Variants in PRKAR2A observed in about 807,000 individuals in gnomAD.
The protein encoded by PRKAR2A is protein kinase cAMP-dependent type II regulatory subunit alpha, also known as cAMP-dependent protein kinase type II-alpha regulatory subunit.
PRKAR2A carries 29 observed loss-of-function variants against 51.9 expected under a neutral mutation model. The observed-to-expected ratio is 0.56, with a 90% confidence interval of 0.42 to 0.76. The LOEUF (loss-of-function observed/expected upper bound fraction) is 0.76. PRKAR2A is among the 30% of genes least tolerant of loss of function. The pLI, the probability that PRKAR2A is intolerant of heterozygous loss-of-function variation, is 0.00. For synonymous variants in PRKAR2A, 178 were observed against 186.2 expected (o/e 0.96, Z 0.36); for missense variants, 445 against 512.1 (o/e 0.87, Z 1.26).
intron 3 of PRKAR2A, among the ~76,000 whole-genome samples, chr3:48,791,760 G>A (rs1214954842): frequency 6.6e-6 from 1 of 150,796 alleles, no homozygotes; most frequent in African/African-American, 2.4e-5. Context: ...AAAATTACCC[G>A]GGCATGGTGG....
At chr3:48,808,260 T>C (rs1284290613) in intron 1 of PRKAR2A, among the ~76,000 whole-genome samples, 1 of 151,042 alleles carries the variant, frequency 6.6e-6, no homozygotes, top group Non-Finnish European at 1.5e-5. Context: ...TTGTTTTGTT[T>C]TGTTTTGTTT....
chr3:48,780,259 G>A (rs1465025215), intron 5 of PRKAR2A, among the ~76,000 whole-genome samples: 1 of 152,014 alleles, frequency 6.6e-6, no homozygotes, highest in Non-Finnish European at 1.5e-5. Context: ...TTTTCTCTGA[G>A]AAGATATTAT....
chr3:48,833,226 T>TG (rs973766015), intron 1 of PRKAR2A, among the ~76,000 whole-genome samples: 34 of 152,198 alleles, frequency 2.2e-4, no homozygotes, highest in South Asian at 6.2e-4. Flanking sequence ...TTTGAAAAGA[T>TG]GGGGGGTCTC....
At chr3:48,845,454 A>G (rs2083446766) in intron 1 of PRKAR2A, among the ~76,000 whole-genome samples, 1 of 152,174 alleles carries the variant, frequency 6.6e-6, no homozygotes, top group Non-Finnish European at 1.5e-5. Context: ...GACCAGATAC[A>G]ACTCAGAACT....
intron 1 of PRKAR2A, among the ~76,000 whole-genome samples, chr3:48,819,186 T>C (rs2082921539): frequency 6.6e-6 from 1 of 152,104 alleles, no homozygotes; most frequent in Admixed American, 6.5e-5. Flanking sequence ...TGGCTAATTT[T>C]TGTATTTTTA....
At chr3:48,763,462 T>A (rs576895858) in intron 8 of PRKAR2A, among the ~76,000 whole-genome samples, 12 of 152,292 alleles carry the variant, frequency 7.9e-5, no homozygotes, top group Non-Finnish European at 1.5e-4. Context: ...AAACCCAGTA[T>A]GAGACAGGCC....
chr3:48,813,146 G>C (rs1289402298), intron 1 of PRKAR2A, among the ~76,000 whole-genome samples: 1 of 151,146 alleles, frequency 6.6e-6, no homozygotes, highest in Non-Finnish European at 1.5e-5. Context: ...GGGCATAGGG[G>C]CTCACACCTG....
chr3:48,819,828 C>T lies in PRKAR2A; in HGVS notation c.263-12144G>A, dbSNP rs368233812. Among the ~76,000 whole-genome samples the T allele has an allele frequency of 3.0e-3, 455 of 152,300 alleles. 4 individuals carry two copies. The highest frequency in any genetic ancestry group is 1.0e-2 in the African/African-American group (415 of 41,556). On this transcript the variant is annotated intron_variant, in intron 1 of 10. Coordinates refer to ENST00000265563, the MANE Select transcript of PRKAR2A (RefSeq NM_004157.4). The stretch of plus-strand genomic sequence containing the variant: ...GGAGGCTGAAGGCCACAACAGTGTT[C>T]AGCCATACCACTGTGTCAACCCACC...
At chr3:48,821,627 T>C (rs2082961868) in intron 1 of PRKAR2A, among the ~76,000 whole-genome samples, 1 of 152,170 alleles carries the variant, frequency 6.6e-6, no homozygotes, top group South Asian at 2.1e-4. Flanking sequence ...CCCTTTTGAA[T>C]GGAAACAGGA....
At position 48,765,116 on chromosome 3, in the gene PRKAR2A, T is replaced by A. The variant is rs780886411; in HGVS notation, c.799-38A>T. On this transcript the variant is annotated intron_variant, in intron 7 of 10. Coordinates refer to ENST00000265563, the MANE Select transcript of PRKAR2A (RefSeq NM_004157.4). ...ATTCACAAATAAAAGGAAAAGACCTTAATTGAAAGTCACAATAGCTATGCA... is the reference window on the plus strand; with the variant it reads ...ATTCACAAATAAAAGGAAAAGACCTAAATTGAAAGTCACAATAGCTATGCA... 1.9e-6 allele frequency: 3 copies of A among 1,594,942 alleles called. No individual in the cohort carries two copies. The South Asian group carries it at 3.3e-5, about 18-fold the overall frequency.
chr3:48,827,303 TCAAGAACATGA>T (rs1470792972), intron 1 of PRKAR2A, among the ~76,000 whole-genome samples: 1 of 137,814 alleles, frequency 7.3e-6, no homozygotes, highest in Non-Finnish European at 1.6e-5. Context: ...AAAAGAACCC[TCAAGAACATGA>T]CAATTCTTAC....
At chr3:48,833,202 A>G (rs1356605651) in intron 1 of PRKAR2A, among the ~76,000 whole-genome samples, 1 of 152,110 alleles carries the variant, frequency 6.6e-6, no homozygotes, top group Non-Finnish European at 1.5e-5. Context: ...TAACCCAGCT[A>G]ATTGTTTTAA....
intron 2 of PRKAR2A, among the ~76,000 whole-genome samples, chr3:48,806,426 T>C (rs1205585327): frequency 6.6e-6 from 1 of 152,018 alleles, no homozygotes; most frequent in Non-Finnish European, 1.5e-5. Flanking sequence ...TTTCATAAAA[T>C]ATATTTACCA....
At chr3:48,772,892 G>A in intron 6 of PRKAR2A, 63 bp downstream of exon 6, 1 of 1,511,542 alleles carries the variant, frequency 6.6e-7, no homozygotes, top group Non-Finnish European at 9.0e-7. Context: ...ACAGCCCAAG[G>A]ACAGAGACAC....
chr3:48,839,651 A>T (rs1228721295), intron 1 of PRKAR2A, among the ~76,000 whole-genome samples: 6 of 152,178 alleles, frequency 3.9e-5, no homozygotes, highest in African/African-American at 7.2e-5. Context: ...GACTCTTTCC[A>T]ATAGGATACA....
At position 48,775,783 on chromosome 3, in the gene PRKAR2A, A is replaced by G. The variant is rs2082096689; in HGVS notation, c.543-2675T>C. The stretch of plus-strand genomic sequence containing the variant: ...TAATAATAGGAGATGGGTCAAATAC[A>G]TGTTTCTATCTATATTATGGAGTCA... On this transcript the variant is annotated intron_variant, in intron 5 of 10. Transcript: ENST00000265563. Among the ~76,000 whole-genome samples, 12 of 152,210 alleles carry G rather than the reference A, an allele frequency of 7.9e-5. No homozygotes were observed. The South Asian group carries it at 2.3e-3, about 29-fold the overall frequency.
In PRKAR2A at chr3:48,765,095, A is replaced by T. The variant is rs1226311385; in HGVS notation, c.799-17T>A. On this transcript the variant is annotated splice_polypyrimidine_tract_variant and intron_variant, in intron 7 of 10. Coordinates refer to ENST00000265563, the MANE Select transcript of PRKAR2A (RefSeq NM_004157.4). ...TTCTGACACCTGAAACAACAAATTC[A>T]CAAATAAAAGGAAAAGACCTTAATT... 1 of 1,612,116 alleles carries T rather than the reference A, an allele frequency of 6.2e-7. No individual in the cohort carries two copies. The highest frequency in any genetic ancestry group is 1.7e-5 in the Admixed American group (1 of 60,014).
At chr3:48,791,807 G>C (rs1016434894) in intron 3 of PRKAR2A, among the ~76,000 whole-genome samples, 1 of 149,414 alleles carries the variant, frequency 6.7e-6, no homozygotes, top group African/African-American at 2.5e-5. Flanking sequence ...AGAGGCTGAG[G>C]CAGGAGAATC....
intron 1 of PRKAR2A, among the ~76,000 whole-genome samples, chr3:48,821,732 A>G (rs2082964281): frequency 6.7e-6 from 1 of 150,240 alleles, no homozygotes; most frequent in South Asian, 2.1e-4. Flanking sequence ...CCTGGCCAAC[A>G]TGGTGAAACC....
Sources: gnomAD v4.1 joint callset for allele counts (sites outside exome capture counted in the v4.1 genomes callset) on GRCh38, gnomAD v4.1.1 for gene constraint, MANE v1.5 for transcripts, NCBI Gene and HGNC (gene_info 2026-07-23, HGNC 2026-07-21) for gene names.